GNA12: variants seen among roughly 807,000 people sequenced by gnomAD.
GNA12 encodes G protein subunit alpha 12.
In GNA12, 9 loss-of-function variants were observed where a neutral mutation model predicts 26.0. The ratio of observed to expected loss-of-function variants is 0.35; its 90% CI spans 0.21 to 0.60. The LOEUF (loss-of-function observed/expected upper bound fraction) is 0.60. GNA12 is among the 20% of genes least tolerant of loss of function. The pLI, the probability that GNA12 is intolerant of heterozygous loss-of-function variation, is 0.78. For synonymous variants in GNA12, 264 were observed against 219.6 expected (o/e 1.20, Z -1.79); for missense variants, 405 against 525.8 (o/e 0.77, Z 2.25).
At position 2,817,862 on chromosome 7, in the gene GNA12, C is replaced by A. The variant is rs562194311; in HGVS notation, c.310-22719G>T. Among the ~76,000 whole-genome samples the A allele has an allele frequency of 9.8e-5, 15 of 152,298 alleles. No homozygotes were observed. The South Asian group carries it at 2.9e-3, about 29-fold the overall frequency. ...AGGAATTCTTTGTTAATTATCATCT[C>A]CTCCTTCCATTCCTCCTTCCCTCCC... On this transcript the variant is annotated intron_variant, in intron 1 of 3. Coordinates refer to ENST00000275364, the MANE Select transcript of GNA12 (RefSeq NM_007353.3).
chr7:2,751,942 A>G (rs903291254), intron 2 of GNA12, among the ~76,000 whole-genome samples: 1 of 152,218 alleles, frequency 6.6e-6, no homozygotes, highest in African/African-American at 2.4e-5. Flanking sequence ...AAATAACACT[A>G]ACGAACGTGA....
chr7:2,754,085 C>T (rs1006289198), intron 2 of GNA12, among the ~76,000 whole-genome samples: 1 of 152,182 alleles, frequency 6.6e-6, no homozygotes, highest in African/African-American at 2.4e-5. Context: ...TACCTCCCCA[C>T]CAGTGATGAA....
intron 1 of GNA12, among the ~76,000 whole-genome samples, chr7:2,807,623 T>G (rs1160640996): frequency 6.7e-6 from 1 of 150,262 alleles, no homozygotes; most frequent in Non-Finnish European, 1.5e-5. Flanking sequence ...CACAGCAGCT[T>G]GCTCACTGTT....
At chr7:2,817,273 T>C (rs1326250863) in intron 1 of GNA12, among the ~76,000 whole-genome samples, 4 of 152,160 alleles carry the variant, frequency 2.6e-5, no homozygotes, top group African/African-American at 9.7e-5. Context: ...CCCAGCTCAT[T>C]TTTTGTATTT....
At chr7:2,814,357 CTT>C (rs751151477) in intron 1 of GNA12, 1 of 1,604,964 alleles carries the variant, frequency 6.2e-7, no homozygotes, top group Non-Finnish European at 8.5e-7. Flanking sequence ...AACGGCAGCA[CTT>C]TCGGTTTCCA....
intron 2 of GNA12, among the ~76,000 whole-genome samples, chr7:2,740,920 C>T (rs1262588357): frequency 1.3e-5 from 2 of 152,176 alleles, no homozygotes; most frequent in Admixed American, 6.5e-5. Context: ...TGGCAGGTGC[C>T]TGTAGTCCCA....
chr7:2,763,044 G>T (rs547878062), intron 2 of GNA12: 5 of 1,248,214 alleles, frequency 4.0e-6, no homozygotes, highest in East Asian at 3.1e-5. Context: ...TCAGCGTGCC[G>T]TTCCTCCAGG....
intron 2 of GNA12, among the ~76,000 whole-genome samples, chr7:2,773,738 C>G (rs945269967): frequency 2.6e-5 from 4 of 152,174 alleles, no homozygotes; most frequent in African/African-American, 9.7e-5. Context: ...CCCAGGCACA[C>G]CTGGATGCCC....
At chr7:2,824,442 C>T (rs189033688) in intron 1 of GNA12, among the ~76,000 whole-genome samples, 28 of 152,326 alleles carry the variant, frequency 1.8e-4, no homozygotes, top group African/African-American at 6.7e-4. Context: ...CCCATCACCT[C>T]TGCAGGCGGC....
At chr7:2,793,306 A>AG (rs199528465) in intron 2 of GNA12, among the ~76,000 whole-genome samples, 3 of 144,696 alleles carry the variant, frequency 2.1e-5, no homozygotes, top group Non-Finnish European at 4.5e-5. Flanking sequence ...AGCGGACAGG[A>AG]CGCGAGAGGA....
chr7:2,823,565 C>T (rs1257717620), intron 1 of GNA12, among the ~76,000 whole-genome samples: 1 of 152,110 alleles, frequency 6.6e-6, no homozygotes, highest in Non-Finnish European at 1.5e-5. Context: ...AGAGGCCAGT[C>T]GTTGCTTAAA....
intron 2 of GNA12, among the ~76,000 whole-genome samples, chr7:2,791,040 G>A (rs938669757): frequency 6.6e-6 from 1 of 151,420 alleles, no homozygotes; most frequent in Non-Finnish European, 1.5e-5. Context: ...ATCCACATTT[G>A]TAGTATGTAG....
chr7:2,737,284 TTTTTG>T (rs1562394946), intron 2 of GNA12, among the ~76,000 whole-genome samples: 12,345 of 60,760 alleles, frequency 0.2, 2,237 homozygotes, highest in Non-Finnish European at 0.29. Flanking sequence ...GTTTTTTTTT[TTTTTG>T]TTTTTTTTTT....
chr7:2,805,897 G>C (rs1428070130), intron 1 of GNA12, among the ~76,000 whole-genome samples: 1 of 152,156 alleles, frequency 6.6e-6, no homozygotes, highest in Non-Finnish European at 1.5e-5. Flanking sequence ...GGGCCACCGA[G>C]CAGTGGACGT....
intron 1 of GNA12, among the ~76,000 whole-genome samples, chr7:2,820,066 C>G (rs1490629844): frequency 6.6e-6 from 1 of 152,222 alleles, no homozygotes; most frequent in Admixed American, 6.5e-5. Flanking sequence ...TGCCACGCTA[C>G]AGCATGGATG....
chr7:2,843,844 G>T lies in GNA12; in HGVS notation c.309+9C>A. 1 of 1,451,756 alleles carries T rather than the reference G, an allele frequency of 6.9e-7. No individual in the cohort carries two copies. Among genetic ancestry groups the T allele is most frequent in the Non-Finnish European group, 9.2e-7 (1 of 1,085,044 alleles). The allele number at this position is 1,451,756 out of a possible 1,614,324, so 89.9% of individuals were successfully genotyped here. On this transcript the variant is annotated intron_variant, in intron 1 of 3. Transcript: ENST00000275364. Reference sequence around the variant, plus strand: ...TGGGTGCAGGTGCTGGGCGGGGGGCGCGCGTCACCTTGAGGATGTTGTCGA... The same window carrying T: ...TGGGTGCAGGTGCTGGGCGGGGGGCTCGCGTCACCTTGAGGATGTTGTCGA...
chr7:2,817,217 T>C (rs1793238685), intron 1 of GNA12, among the ~76,000 whole-genome samples: 2 of 152,260 alleles, frequency 1.3e-5, no homozygotes, highest in African/African-American at 2.4e-5. Context: ...GCGATTCTCC[T>C]GTCTCAGCCT....
chr7:2,814,913 A>T (rs116515234), intron 1 of GNA12: 1 of 1,598,818 alleles, frequency 6.3e-7, no homozygotes, highest in Non-Finnish European at 8.5e-7. Flanking sequence ...ACGGCCTGGG[A>T]AACATTCTCC....
At chr7:2,783,037 G>C (rs1385751065) in intron 2 of GNA12, among the ~76,000 whole-genome samples, 1 of 152,104 alleles carries the variant, frequency 6.6e-6, no homozygotes, top group African/African-American at 2.4e-5. Flanking sequence ...AAACAAGTTA[G>C]GGCAGCTGTT....
Sources: gnomAD v4.1 joint callset for allele counts (sites outside exome capture counted in the v4.1 genomes callset) on GRCh38, gnomAD v4.1.1 for gene constraint, MANE v1.5 for transcripts, NCBI Gene and HGNC (gene_info 2026-07-23, HGNC 2026-07-21) for gene names.